The following ARL10 variants were observed in gnomAD, a reference collection of about 807,000 sequenced individuals.
The protein encoded by ARL10 is ADP-ribosylation factor-like protein 10.
In ARL10, 23 loss-of-function variants were observed where a neutral mutation model predicts 26.1. The ratio of observed to expected loss-of-function variants is 0.88; its 90% confidence interval spans 0.63 to 1.25. The LOEUF is 1.25. Among genes scored for constraint, ARL10 ranks in the 50% most tolerant of loss-of-function variants. The probability of loss-of-function intolerance (pLI) is 0.00; values close to 1 mark genes in which losing one functional copy is unlikely to be tolerated. For synonymous variants in ARL10, 138 were observed against 149.1 expected, an observed-to-expected ratio of 0.93 and a Z score of 0.54; for missense variants, 300 against 323.6, an observed-to-expected ratio of 0.93 and a Z score of 0.56.
At chr5:176,397,714 A>C (rs762818890) in intron 1 of ARL10, 2 of 1,612,244 alleles carry the variant, frequency 1.2e-6, no homozygotes, top group Non-Finnish European at 1.7e-6. Flanking sequence ...CCTTAGATGC[A>C]GCATCTAGGA....
the ARL10 span, among the ~76,000 whole-genome samples, chr5:176,409,961 T>C: frequency 2.0e-5 from 3 of 152,320 alleles, no homozygotes; most frequent in Middle Eastern, 3.4e-3. Context: ...GGCCTTGCGC[T>C]GCCTTCATCT....
At chr5:176,406,251 G>A, downstream of ARL10, 1 of 1,030,628 alleles carries the variant, frequency 9.7e-7, no homozygotes, top group Non-Finnish European at 1.2e-6. Flanking sequence ...CTCCTCCCAA[G>A]CTCTGGAGAG....
At chr5:176,401,325 G>A (rs1386604488) in intron 1 of ARL10, among the ~76,000 whole-genome samples, 2 of 152,194 alleles carry the variant, frequency 1.3e-5, no homozygotes, top group African/African-American at 4.8e-5. Flanking sequence ...GAAATGACTT[G>A]AGAGGTCAGA....
At chr5:176,408,113 G>T in the ARL10 span, among the ~76,000 whole-genome samples, 1 of 152,140 alleles carries the variant, frequency 6.6e-6, no homozygotes, top group African/African-American at 2.4e-5. Context: ...TGCCTCTGTG[G>T]TCTGAGTTCC....
At position 176,368,065 on chromosome 5, in the gene ARL10, T is replaced by C. The variant is rs747846363; in HGVS notation, c.386-742T>C. On this transcript the variant is annotated intron_variant, in intron 2 of 3. Coordinates refer to ENST00000310389, the MANE Select transcript of ARL10 (RefSeq NM_173664.6). The surrounding 1 kb of genome is among the most constrained non-coding windows in gnomAD (Gnocchi z 4.1). ...ATTCAGAGGTAAGTGCCTCTGACTC[T>C]CACAGCTTAGAATCCTCAAGTGTCA... 1 of 507,454 alleles carries C rather than the reference T, an allele frequency of 2.0e-6. No individual in the cohort carries two copies. The highest frequency in any genetic ancestry group is 4.0e-6 in the Non-Finnish European group (1 of 252,138). The allele number at this position is 507,454 out of a possible 1,614,324, so 31.4% of individuals were successfully genotyped here.
chr5:176,412,897 G>A, the ARL10 span, among the ~76,000 whole-genome samples: 1 of 152,076 alleles, frequency 6.6e-6, no homozygotes, highest in African/African-American at 2.4e-5. Context: ...CACGTTACCA[G>A]GGTCTATTCC....
At chr5:176,388,209 G>C (rs774642064) in intron 1 of ARL10, 5 of 1,529,490 alleles carry the variant, frequency 3.3e-6, no homozygotes, top group Non-Finnish European at 4.5e-6. Flanking sequence ...AAGAAGACAA[G>C]GACCGAGACC....
downstream of ARL10, chr5:176,389,786 G>C (rs909090961): frequency 2.5e-5 from 7 of 280,466 alleles, no homozygotes; most frequent in African/African-American, 6.6e-5. Context: ...CATGGTTTTT[G>C]GTCTTTGATT....
chr5:176,365,949 G>A (rs1768278867), intron 1 of ARL10, among the ~76,000 whole-genome samples: 1 of 152,198 alleles, frequency 6.6e-6, no homozygotes, highest in Admixed American at 6.5e-5. Context: ...GTGCTTGGGT[G>A]CGTGCGGCGC....
downstream of ARL10, chr5:176,388,959 C>T (rs752348331): frequency 1.2e-6 from 2 of 1,613,986 alleles, no homozygotes; most frequent in Admixed American, 1.7e-5. Context: ...CGCGAGAACC[C>T]GGTGGTACCC....
In ARL10 at chr5:176,381,559, C is replaced by T. The variant is rs1755553081; in HGVS notation, c.*9664C>T. ...TAAGCAAAGAAACGGAATTGGCATA[C>T]AGAGATAGCCTGACTGGCTGCAGTC... On this transcript the variant is annotated 3_prime_UTR_variant, in exon 4 of 4. Coordinates refer to ENST00000310389, the MANE Select transcript of ARL10 (RefSeq NM_173664.6). 1 of 152,224 alleles carries T rather than the reference C, an allele frequency of 6.6e-6. No homozygotes were observed. The highest frequency in any genetic ancestry group is 1.5e-5 in the Non-Finnish European group (1 of 68,046). The allele number at this position is 152,224 out of a possible 1,614,324, so 9.4% of individuals were successfully genotyped here.
the ARL10 span, among the ~76,000 whole-genome samples, chr5:176,409,632 C>G: frequency 2.7e-4 from 41 of 151,996 alleles, no homozygotes; most frequent in Middle Eastern, 3.4e-3. Context: ...CCAGGCTGGT[C>G]TTGAACTCTG....
At chr5:176,392,851 T>C, downstream of ARL10, 1 of 1,614,218 alleles carries the variant, frequency 6.2e-7, no homozygotes, top group Non-Finnish European at 8.5e-7. This position sits in a 1 kb window ranked among gnomAD's most constrained non-coding sequence, Gnocchi z 5.2. Flanking sequence ...TGCTTGCTGC[T>C]CTTGGGGTTG....
chr5:176,383,871 C>T, downstream of ARL10: 2 of 1,129,004 alleles, frequency 1.8e-6, no homozygotes, highest in Non-Finnish European at 2.4e-6. Flanking sequence ...CCTCTCAGCC[C>T]CGGTAGAGGT....
downstream of ARL10, chr5:176,389,118 T>C: frequency 1.7e-6 from 2 of 1,197,298 alleles, no homozygotes; most frequent in South Asian, 2.8e-5. Context: ...GGGGCGAAAC[T>C]GATTGGAGCG....
intron 1 of ARL10, among the ~76,000 whole-genome samples, chr5:176,388,059 A>G (rs1756026350): frequency 6.6e-6 from 1 of 152,292 alleles, no homozygotes; most frequent in South Asian, 2.1e-4. Flanking sequence ...AGGGAGTGTG[A>G]CGAAGGTCGT....
the ARL10 span, among the ~76,000 whole-genome samples, chr5:176,407,221 G>T: frequency 3.5e-4 from 53 of 152,142 alleles, no homozygotes; most frequent in Non-Finnish European, 5.9e-5. Context: ...CTGATTTCCT[G>T]GGTGACTTTG....
At chr5:176,385,213 CCG>C (rs561266693), downstream of ARL10, 1,828 of 1,555,604 alleles carry the variant, frequency 1.2e-3, 45 homozygotes, top group South Asian at 0.019. Flanking sequence ...GGGGCCTGAG[CCG>C]CTCACCTTAT....
In ARL10 at chr5:176,365,758, G is replaced by A. The variant is rs1330381421; in HGVS notation, c.183+12G>A. On this transcript the variant is annotated intron_variant, in intron 1 of 3. Transcript: ENST00000310389. ...GGGACGAGTGGGACGTGAGTGCCGG[G>A]CCGAGGCCTGCGGAAGGGCGGGCAG... 1.6e-6 allele frequency: 2 copies of A among 1,234,338 alleles called. No homozygotes were observed. The highest frequency in any genetic ancestry group is 2.0e-6 in the Non-Finnish European group (2 of 988,768). The allele number at this position is 1,234,338 out of a possible 1,614,324, so 76.5% of individuals were successfully genotyped here. A position where few individuals can be genotyped will look rare whatever the true frequency, so the allele number is the denominator to read the frequency against.
Sources: gnomAD v4.1 joint callset for allele counts (sites outside exome capture counted in the v4.1 genomes callset) on GRCh38, gnomAD v4.1.1 for gene constraint, Gnocchi (gnomAD v3.1) non-coding constraint, MANE v1.5 for transcripts, NCBI Gene and HGNC (gene_info 2026-07-23, HGNC 2026-07-21) for gene names.